Variants in KCNQ5 observed in about 807,000 individuals in gnomAD.
KCNQ5 encodes potassium voltage-gated channel subfamily Q member 5, also known as potassium voltage-gated channel subfamily KQT member 5.
A neutral mutation model predicts 98.2 loss-of-function variants in KCNQ5; 30 were observed. That is an observed-to-expected ratio of 0.31 (90% CI 0.23 to 0.41). The LOEUF is 0.41. Among genes scored for constraint, KCNQ5 ranks in the 10% least tolerant of loss-of-function variants. The pLI is 1.00. For synonymous variants in KCNQ5, 458 were observed against 449.4 expected (o/e 1.02, Z -0.24); for missense variants, 835 against 1,182.5 (o/e 0.71, Z 4.31).
chr6:73,105,084 TAAAC>T (rs1455163419), intron 5 of KCNQ5, among the ~76,000 whole-genome samples, 169 bp from the exon 6 acceptor site: 1 of 152,188 alleles, frequency 6.6e-6, no homozygotes, highest in Non-Finnish European at 1.5e-5. Flanking sequence ...TTCCTTTCCT[TAAAC>T]AAAGAGAAGT....
intron 1 of KCNQ5, among the ~76,000 whole-genome samples, chr6:72,898,994 A>C (rs542159188): frequency 6.6e-6 from 1 of 152,164 alleles, no homozygotes; most frequent in African/African-American, 2.4e-5. Flanking sequence ...CTGTCTGTTC[A>C]TGTCCTTTGC....
At chr6:73,141,367 A>G (rs1776703789) in intron 10 of KCNQ5, among the ~76,000 whole-genome samples, 1 of 152,208 alleles carries the variant, frequency 6.6e-6, no homozygotes, top group Non-Finnish European at 1.5e-5. Context: ...TCAGACCATA[A>G]CAGGTTGCTT....
At chr6:72,708,316 G>A (rs999429810) in intron 1 of KCNQ5, among the ~76,000 whole-genome samples, 1 of 152,074 alleles carries the variant, frequency 6.6e-6, no homozygotes, top group Middle Eastern at 3.4e-3. Flanking sequence ...AATGAAAACA[G>A]GGTGGAGAAA....
At chr6:73,162,954 C>T (rs1777669237) in intron 10 of KCNQ5, among the ~76,000 whole-genome samples, 1 of 152,196 alleles carries the variant, frequency 6.6e-6, no homozygotes, top group African/African-American at 2.4e-5. Context: ...ATGCTCTGCT[C>T]TGAGATGTGC....
chr6:73,141,189 C>T (rs749239335), intron 10 of KCNQ5, among the ~76,000 whole-genome samples: 5 of 152,304 alleles, frequency 3.3e-5, no homozygotes, highest in South Asian at 2.1e-4. Context: ...CCCACTTCCA[C>T]GTGATGGAAA....
intron 1 of KCNQ5, among the ~76,000 whole-genome samples, chr6:72,970,306 A>G (rs1767821338): frequency 6.6e-6 from 1 of 152,112 alleles, no homozygotes. Flanking sequence ...CCATAATTCA[A>G]ACATGCTTAT....
At chr6:72,943,683 T>C (rs1255360310) in intron 1 of KCNQ5, among the ~76,000 whole-genome samples, 1 of 152,232 alleles carries the variant, frequency 6.6e-6, no homozygotes, top group Admixed American at 6.5e-5. Flanking sequence ...TCAGTTAGAC[T>C]ACCTAGATTG....
chr6:73,033,484 A>G (rs1771241381), intron 2 of KCNQ5, among the ~76,000 whole-genome samples: 1 of 152,244 alleles, frequency 6.6e-6, no homozygotes, highest in South Asian at 2.1e-4. Flanking sequence ...AAGAAATTTC[A>G]GGAATCAACT....
chr6:73,109,295 A>G (rs1775130075), intron 6 of KCNQ5, among the ~76,000 whole-genome samples: 1 of 152,180 alleles, frequency 6.6e-6, no homozygotes, highest in East Asian at 1.9e-4. Flanking sequence ...TTTATTTTCC[A>G]AAGGGGATTA....
intron 1 of KCNQ5, among the ~76,000 whole-genome samples, chr6:72,983,861 G>A (rs888972757): frequency 6.6e-6 from 1 of 152,156 alleles, no homozygotes; most frequent in African/African-American, 2.4e-5. Context: ...GGGTTTTGGT[G>A]TGGATGTCCT....
In KCNQ5 at chr6:72,809,419, G is replaced by A. The variant is rs113348344; in HGVS notation, c.398+186832G>A. 3.3e-5 allele frequency among the ~76,000 whole-genome samples: 5 copies of A among 152,126 alleles called. No homozygotes were observed. In the East Asian group the frequency reaches 5.8e-4, roughly 18 times the overall value. The stretch of plus-strand genomic sequence containing the variant: ...ATAAAAAAAATAGCCAGGCGTGGTG[G>A]CATGTGCCTGTAATCCCAGCTACTC... On this transcript the variant is annotated intron_variant, in intron 1 of 13. Transcript: ENST00000370398.
intron 9 of KCNQ5, among the ~76,000 whole-genome samples, chr6:73,124,980 T>TATATATAC (rs1204206268): frequency 3.9e-4 from 9 of 22,836 alleles, no homozygotes; most frequent in East Asian, 1.8e-3. Flanking sequence ...TATATATATA[T>TATATATAC]ACACACACAC....
At chr6:72,956,710 C>CT (rs1332331426) in intron 1 of KCNQ5, among the ~76,000 whole-genome samples, 2 of 151,478 alleles carry the variant, frequency 1.3e-5, no homozygotes, top group Non-Finnish European at 2.9e-5. Flanking sequence ...CCAGCCTTTG[C>CT]TTTTTTCTTG....
chr6:72,635,656 T>A (rs180675540), intron 1 of KCNQ5, among the ~76,000 whole-genome samples: 2 of 151,028 alleles, frequency 1.3e-5, no homozygotes, highest in East Asian at 3.9e-4. Context: ...TTTCTTCCAG[T>A]TAAATTGCTC....
At chr6:73,191,426 T>A (rs1166234505) in intron 12 of KCNQ5, among the ~76,000 whole-genome samples, 1 of 152,168 alleles carries the variant, frequency 6.6e-6, no homozygotes, top group Admixed American at 6.5e-5. Context: ...CACATGTTAA[T>A]TCCAACCACA....
At chr6:72,848,016 T>TA (rs60827908) in intron 1 of KCNQ5, among the ~76,000 whole-genome samples, 30,748 of 145,598 alleles carry the variant, frequency 0.21, 3,493 homozygotes, top group African/African-American at 0.32. Context: ...CCAGAAAAGC[T>TA]AAAAAAAAAA....
At chr6:72,940,752 G>T (rs551441165) in intron 1 of KCNQ5, among the ~76,000 whole-genome samples, 1 of 152,294 alleles carries the variant, frequency 6.6e-6, no homozygotes, top group South Asian at 2.1e-4. Flanking sequence ...CTGTGTTTGA[G>T]TCATGGCTTC....
At chr6:72,802,059 A>G (rs1290753690) in intron 1 of KCNQ5, among the ~76,000 whole-genome samples, 2 of 151,676 alleles carry the variant, frequency 1.3e-5, no homozygotes, top group South Asian at 4.2e-4. Flanking sequence ...TGTCCTTAAC[A>G]TTTTTTCCTT....
At chr6:72,937,846 T>C (rs1037746734) in intron 1 of KCNQ5, among the ~76,000 whole-genome samples, 1 of 152,186 alleles carries the variant, frequency 6.6e-6, no homozygotes, top group Non-Finnish European at 1.5e-5. Context: ...TACATAAAGG[T>C]CCAAATATAT....
Sources: allele counts gnomAD v4.1 joint callset (sites outside exome capture counted in the v4.1 genomes callset), GRCh38; gene constraint gnomAD v4.1.1; transcripts MANE v1.5; gene names NCBI Gene and HGNC (gene_info 2026-07-23, HGNC 2026-07-21).